Variants in FHIP1A observed in about 807,000 individuals in gnomAD.
The protein encoded by FHIP1A is FHF complex subunit HOOK interacting protein 1A, also known as FHF complex subunit HOOK-interacting protein 1A.
A neutral mutation model predicts 88.6 loss-of-function variants in FHIP1A; 61 were observed. The ratio of observed to expected loss-of-function variants is 0.69; its 90% confidence interval spans 0.56 to 0.85. FHIP1A has a LOEUF of 0.85. Ranked by LOEUF, FHIP1A falls within the 40% of genes least tolerant of loss-of-function variation. The probability of loss-of-function intolerance (pLI) is 0.00; values close to 1 mark genes in which losing one functional copy is unlikely to be tolerated. For synonymous variants in FHIP1A, 478 were observed against 496.0 expected (o/e 0.96, Z 0.48); for missense variants, 1,154 against 1,273.5 (o/e 0.91, Z 1.43).
At chr4:151,482,050 A>G (rs1729915091) in intron 2 of FHIP1A, among the ~76,000 whole-genome samples, 1 of 152,154 alleles carries the variant, frequency 6.6e-6, no homozygotes, top group African/African-American at 2.4e-5. Context: ...AACCTGAACT[A>G]TGAATTGTCA....
chr4:151,530,151 A>T (rs1454959735), intron 3 of FHIP1A, among the ~76,000 whole-genome samples: 1 of 152,082 alleles, frequency 6.6e-6, no homozygotes, highest in African/African-American at 2.4e-5. Context: ...TCAGGATTGG[A>T]GTGGGGGTGG....
chr4:151,599,909 T>C (rs1423117491), intron 7 of FHIP1A, among the ~76,000 whole-genome samples: 1 of 152,242 alleles, frequency 6.6e-6, no homozygotes, highest in Non-Finnish European at 1.5e-5. Flanking sequence ...GGACCCCTAA[T>C]GCATGGGGGC....
chr4:151,575,611 A>C (rs1292224472), intron 4 of FHIP1A, among the ~76,000 whole-genome samples: 1 of 152,154 alleles, frequency 6.6e-6, no homozygotes, highest in Non-Finnish European at 1.5e-5. Context: ...CCTTATTAAA[A>C]ATGTCAACTT....
At chr4:151,449,746 G>A (rs1477884907) in intron 1 of FHIP1A, among the ~76,000 whole-genome samples, 2 of 152,050 alleles carry the variant, frequency 1.3e-5, no homozygotes, top group African/African-American at 4.8e-5. Flanking sequence ...CAAAGTTTCT[G>A]CTTCTAATCA....
At chr4:151,649,166 G>A (rs1490049115) in intron 10 of FHIP1A, among the ~76,000 whole-genome samples, 2 of 152,146 alleles carry the variant, frequency 1.3e-5, no homozygotes, top group East Asian at 1.9e-4. Context: ...GAGAGATTGC[G>A]ATCATCAGCT....
chr4:151,529,787 G>T (rs1580673592), intron 3 of FHIP1A, among the ~76,000 whole-genome samples: 1 of 152,148 alleles, frequency 6.6e-6, no homozygotes, highest in African/African-American at 2.4e-5. Flanking sequence ...AGCCAAAAGA[G>T]GTTAAGTACT....
intron 3 of FHIP1A, among the ~76,000 whole-genome samples, chr4:151,512,299 A>G (rs1304160970): frequency 1.3e-5 from 2 of 152,198 alleles, no homozygotes; most frequent in Non-Finnish European, 2.9e-5. Flanking sequence ...CATCACCATC[A>G]TCAAAGACCA....
At chr4:151,549,789 G>A (rs1250123311) in intron 3 of FHIP1A, among the ~76,000 whole-genome samples, 4 of 151,998 alleles carry the variant, frequency 2.6e-5, no homozygotes, top group African/African-American at 4.8e-5. Flanking sequence ...GATCTGGATC[G>A]GGACCCCTTT....
intron 3 of FHIP1A, among the ~76,000 whole-genome samples, chr4:151,517,539 C>G (rs1731288531): frequency 1.3e-5 from 2 of 152,090 alleles, no homozygotes; most frequent in Admixed American, 1.3e-4. Flanking sequence ...TTTTTCTGTG[C>G]ATATTTTTAC....
chr4:151,616,551 C>A (rs143517575), intron 7 of FHIP1A, among the ~76,000 whole-genome samples: 301 of 149,530 alleles, frequency 2.0e-3, no homozygotes, highest in African/African-American at 7.1e-3. Flanking sequence ...CGGGTTCACG[C>A]CATTCTCCTG....
intron 3 of FHIP1A, among the ~76,000 whole-genome samples, chr4:151,502,310 C>T (rs1730681859): frequency 7.0e-6 from 1 of 143,066 alleles, no homozygotes; most frequent in African/African-American, 2.6e-5. Context: ...GAACAAGACC[C>T]CATCTCAAAA....
intron 1 of FHIP1A, among the ~76,000 whole-genome samples, chr4:151,448,104 A>G (rs1317848576): frequency 6.6e-6 from 1 of 151,624 alleles, no homozygotes; most frequent in African/African-American, 2.4e-5. Context: ...TTTTTAGTAG[A>G]GATGGCATTT....
At chr4:151,550,225 C>T (rs989725786) in intron 3 of FHIP1A, among the ~76,000 whole-genome samples, 14 of 152,004 alleles carry the variant, frequency 9.2e-5, no homozygotes, top group African/African-American at 3.4e-4. Flanking sequence ...AACATTCATC[C>T]TTCATGTTAC....
intron 3 of FHIP1A, among the ~76,000 whole-genome samples, chr4:151,489,597 T>C (rs11732819): frequency 0.35 from 53,353 of 151,994 alleles, 9,967 homozygotes; most frequent in Non-Finnish European, 0.43. Flanking sequence ...ATCTCAGCCC[T>C]GCTTGCCAGC....
At chr4:151,434,487 A>G (rs1343592070) in intron 1 of FHIP1A, among the ~76,000 whole-genome samples, 1 of 152,186 alleles carries the variant, frequency 6.6e-6, no homozygotes, top group Middle Eastern at 3.2e-3. Context: ...GTGTAAAACT[A>G]TGTGAAAAAT....
chr4:151,655,118 A>C (rs1242301213), intron 11 of FHIP1A, among the ~76,000 whole-genome samples: 1 of 152,182 alleles, frequency 6.6e-6, no homozygotes, highest in East Asian at 1.9e-4. Flanking sequence ...TGTTTTTGTT[A>C]AACTCGTATT....
At chr4:151,462,301 A>G (rs1026785147) in intron 2 of FHIP1A, among the ~76,000 whole-genome samples, 2 of 152,124 alleles carry the variant, frequency 1.3e-5, no homozygotes, top group African/African-American at 4.8e-5. Flanking sequence ...GACAGGACCC[A>G]GTGTGCTGGG....
chr4:151,439,680 C>T (rs1728335557), intron 1 of FHIP1A, among the ~76,000 whole-genome samples: 3 of 152,152 alleles, frequency 2.0e-5, no homozygotes, highest in African/African-American at 7.2e-5. Context: ...CACAACAATT[C>T]TGTGACTCTT....
chr4:151,431,007 G>T (rs1474378923), intron 1 of FHIP1A, among the ~76,000 whole-genome samples: 3 of 152,036 alleles, frequency 2.0e-5, no homozygotes, highest in African/African-American at 7.3e-5. Context: ...CTTCAGTGCT[G>T]ACTATATTTA....
Sources: allele counts gnomAD v4.1 joint callset (sites outside exome capture counted in the v4.1 genomes callset), GRCh38; gene constraint gnomAD v4.1.1; transcripts MANE v1.5; gene names NCBI Gene and HGNC (gene_info 2026-07-23, HGNC 2026-07-21).